The following EXOC4 variants were observed in gnomAD, a reference collection of about 807,000 sequenced individuals.
EXOC4 encodes the protein exocyst complex component 4, also known as SEC8-like 1.
A neutral mutation model predicts 107.2 loss-of-function variants in EXOC4; 71 were observed. That is an observed-to-expected ratio of 0.66 (90% confidence interval 0.55 to 0.81). The LOEUF is 0.81. EXOC4 is among the 30% of genes least tolerant of loss of function. The probability of loss-of-function intolerance (pLI) is 0.00; values close to 1 mark genes in which losing one functional copy is unlikely to be tolerated. For missense variants in EXOC4, 1,108 were observed against 1,189.6 expected (o/e 0.93, Z 1.01); for synonymous variants, 456 against 441.2 (o/e 1.03, Z -0.42).
At chr7:133,670,659 C>G (rs1419520573) in intron 10 of EXOC4, among the ~76,000 whole-genome samples, 1 of 152,170 alleles carries the variant, frequency 6.6e-6, no homozygotes, top group African/African-American at 2.4e-5. Context: ...GTGTCTCTAT[C>G]TCTATATTTT....
chr7:133,411,323 G>C (rs1797350955), intron 7 of EXOC4, among the ~76,000 whole-genome samples: 1 of 152,138 alleles, frequency 6.6e-6, no homozygotes, highest in African/African-American at 2.4e-5. Flanking sequence ...TAAATAGTTT[G>C]TGTTAGTCAA....
chr7:134,032,409 C>T (rs1795290554), intron 17 of EXOC4, among the ~76,000 whole-genome samples: 1 of 152,232 alleles, frequency 6.6e-6, no homozygotes, highest in Admixed American at 6.5e-5. Flanking sequence ...TTGCCCCTGC[C>T]ACCATCTTCC....
At chr7:133,599,575 TTG>T (rs1801758531) in intron 9 of EXOC4, among the ~76,000 whole-genome samples, 1 of 152,230 alleles carries the variant, frequency 6.6e-6, no homozygotes, top group Non-Finnish European at 1.5e-5. Context: ...CATTGCCTCT[TTG>T]ATGACAGTTA....
chr7:133,602,301 G>C (rs957463275), intron 9 of EXOC4, among the ~76,000 whole-genome samples: 1 of 152,214 alleles, frequency 6.6e-6, no homozygotes, highest in Non-Finnish European at 1.5e-5. Flanking sequence ...TGATTAAGCA[G>C]TGTAGTAGGG....
intron 12 of EXOC4, among the ~76,000 whole-genome samples, chr7:133,912,963 A>G (rs1799729727): frequency 6.6e-6 from 1 of 152,094 alleles, no homozygotes; most frequent in South Asian, 2.1e-4. Context: ...ATCTTTAGTC[A>G]AGGTTGAAAA....
chr7:133,412,520 C>T (rs1291910264), intron 7 of EXOC4, among the ~76,000 whole-genome samples: 2 of 151,920 alleles, frequency 1.3e-5, no homozygotes, highest in Admixed American at 6.6e-5. Context: ...TCTGCAACCA[C>T]ACAATTAATC....
At chr7:133,378,639 T>A (rs891747414) in intron 7 of EXOC4, among the ~76,000 whole-genome samples, 2 of 152,102 alleles carry the variant, frequency 1.3e-5, no homozygotes, top group African/African-American at 2.4e-5. Flanking sequence ...ATGTTTAGGG[T>A]AGCCTATGAT....
At chr7:134,078,183 T>G in the EXOC4 span, among the ~76,000 whole-genome samples, 1 of 152,200 alleles carries the variant, frequency 6.6e-6, no homozygotes, top group South Asian at 2.1e-4. Context: ...TTTACCCCCC[T>G]TTTTCATTTA....
chr7:133,613,265 G>A (rs1802114562), intron 9 of EXOC4, among the ~76,000 whole-genome samples: 1 of 152,144 alleles, frequency 6.6e-6, no homozygotes, highest in Admixed American at 6.6e-5. Flanking sequence ...AAAGAAACAT[G>A]AAGATGCAGT....
At chr7:133,528,126 A>G (rs888233774) in intron 9 of EXOC4, among the ~76,000 whole-genome samples, 2 of 152,138 alleles carry the variant, frequency 1.3e-5, no homozygotes, top group Non-Finnish European at 2.9e-5. Context: ...AGTAGTGAAG[A>G]CTCACCTGAT....
At chr7:133,479,112 C>T (rs992435753) in intron 8 of EXOC4, 1 of 152,192 alleles carries the variant, frequency 6.6e-6, no homozygotes, top group Non-Finnish European at 1.5e-5. Flanking sequence ...GCTTTTACCC[C>T]TTAGTGGCAG....
intron 17 of EXOC4, among the ~76,000 whole-genome samples, chr7:134,016,707 G>A (rs1349335452): frequency 1.3e-5 from 2 of 152,194 alleles, no homozygotes; most frequent in African/African-American, 4.8e-5. Flanking sequence ...TGAGAATGTT[G>A]AATTCCTCCC....
At chr7:133,374,712 A>C (rs910939345) in intron 6 of EXOC4, 116 bp from the exon 7 acceptor site, 1 of 801,040 alleles carries the variant, frequency 1.2e-6, no homozygotes, top group African/African-American at 1.7e-5. Context: ...TCTAACGTTA[A>C]TGCTGTTTAC....
At position 133,844,714 on chromosome 7, in the gene EXOC4, C is replaced by T. The variant is rs190069999; in HGVS notation, c.1734+27170C>T. On this transcript the variant is annotated intron_variant, in intron 11 of 17. Transcript: ENST00000253861. ...CTTGACAAATGGAGTACCTACTGCTCATTGTTCTTCTCATTGGCCATACCT... is the reference window on the plus strand; with the variant it reads ...CTTGACAAATGGAGTACCTACTGCTTATTGTTCTTCTCATTGGCCATACCT... Among the ~76,000 whole-genome samples the T allele has an allele frequency of 1.1e-4, 17 of 152,144 alleles. No homozygotes were observed. The Middle Eastern group carries it at 0.014, about 122-fold the overall frequency.
In EXOC4 at chr7:133,817,307, T is replaced by C; in HGVS notation, c.1515-18T>C. 2 of 1,567,290 alleles carry C rather than the reference T, an allele frequency of 1.3e-6. No individual in the cohort carries two copies. Among genetic ancestry groups the C allele is most frequent in the East Asian group, 2.2e-5 (1 of 44,600 alleles). Reference sequence around the variant, plus strand: ...TTTCCTCATAAATTTAATAACCTTCTTACTGTTTGTCCTCCAGATTTATTC... The same window carrying C: ...TTTCCTCATAAATTTAATAACCTTCCTACTGTTTGTCCTCCAGATTTATTC... On this transcript the variant is annotated intron_variant, in intron 10 of 17. Transcript: ENST00000253861.
Position 133,829,926 on chromosome 7 carries a change from A to G in EXOC4, c.1734+12382A>G, listed in dbSNP as rs74303651. On this transcript the variant is annotated intron_variant, in intron 11 of 17. Transcript: ENST00000253861. ...TTGGAAATACAGTCTTTTGAGGAGG[A>G]AAAAAAAAGCCATCTAGGCTTCTAG... Among the ~76,000 whole-genome samples the G allele has an allele frequency of 2.6e-5, 4 of 151,156 alleles. No individual in the cohort carries two copies. The East Asian group carries it at 7.8e-4, about 30-fold the overall frequency.
At chr7:133,466,647 A>G (rs1798735356) in intron 7 of EXOC4, among the ~76,000 whole-genome samples, 1 of 152,212 alleles carries the variant, frequency 6.6e-6, no homozygotes, top group African/African-American at 2.4e-5. Context: ...ACTCTTTCAG[A>G]AAATAGAGAA....
At chr7:133,829,373 G>T (rs566161024) in intron 11 of EXOC4, among the ~76,000 whole-genome samples, 1 of 152,318 alleles carries the variant, frequency 6.6e-6, no homozygotes, top group South Asian at 2.1e-4. Context: ...TGGCAGTTCA[G>T]ACAGGATTAG....
At chr7:133,256,835 G>C (rs1481477148) in intron 1 of EXOC4, among the ~76,000 whole-genome samples, 1 of 151,550 alleles carries the variant, frequency 6.6e-6, no homozygotes, top group African/African-American at 2.4e-5. Flanking sequence ...TAGGCATGGG[G>C]AATATCCGAA....
Sources: gnomAD v4.1 joint callset for allele counts (sites outside exome capture counted in the v4.1 genomes callset) on GRCh38, gnomAD v4.1.1 for gene constraint, MANE v1.5 for transcripts, NCBI Gene and HGNC (gene_info 2026-07-23, HGNC 2026-07-21) for gene names.